The following TGFBI variants were observed in gnomAD, a reference collection of about 807,000 sequenced individuals.
The protein encoded by TGFBI is transforming growth factor-beta-induced protein ig-h3.
A neutral mutation model predicts 73.7 loss-of-function variants in TGFBI; 50 were observed. The observed-to-expected ratio is 0.68, with a 90% CI of 0.54 to 0.86. The LOEUF is 0.86. TGFBI is among the 40% of genes least tolerant of loss of function. The probability of loss-of-function intolerance (pLI) is 0.00; values close to 1 mark genes in which losing one functional copy is unlikely to be tolerated. For missense variants in TGFBI, 839 were observed against 877.0 expected (o/e 0.96, Z 0.55); for synonymous variants, 362 against 360.5 (o/e 1.00, Z -0.05).
rs45615532 is a variant in TGFBI at position 136,037,952 on chromosome 5, A to G, written c.233+4091A>G. On this transcript the variant is annotated intron_variant, in intron 2 of 16. Coordinates refer to ENST00000442011, the MANE Select transcript of TGFBI (RefSeq NM_000358.3). The stretch of plus-strand genomic sequence containing the variant: ...CTTATATCCCACAACCTTGGTCCCA[A>G]GAGGAAAAAAAAGAAGATGGTGAGA... 2.3e-3 allele frequency among the ~76,000 whole-genome samples: 356 copies of G among 152,258 alleles called. 3 individuals are homozygous for G. The highest frequency in any genetic ancestry group is 8.2e-3 in the African/African-American group (342 of 41,544).
At chr5:136,034,121 C>CGTGTGT (rs10626743) in intron 2 of TGFBI, among the ~76,000 whole-genome samples, 1 of 149,536 alleles carries the variant, frequency 6.7e-6, no homozygotes, top group Admixed American at 6.7e-5. Context: ...TGAAACACTG[C>CGTGTGT]GTGTGTGTGT....
In TGFBI at chr5:136,055,754, C is replaced by T. The variant is rs761112429; in HGVS notation, c.1485C>T (p.Asp495=). 3 of 1,612,740 alleles carry T rather than the reference C, an allele frequency of 1.9e-6. No homozygotes were observed. The highest frequency in any genetic ancestry group is 2.7e-5 in the African/African-American group (2 of 74,924). Residue 495 remains aspartate (D), a synonymous_variant, in exon 11 of 17, where the codon GAC becomes GAT. Transcript: ENST00000442011. ...GGTACGGGACCCTGTTCACGATGGA[C>T]CGGGTGCTGACCCCCCCAATGGGGA... ...RGRYGTLFTM[D]RVLTPPMGTV...
At position 136,038,954 on chromosome 5, in the gene TGFBI, A is replaced by G. The variant is rs535465309; in HGVS notation, c.233+5093A>G. Among the ~76,000 whole-genome samples the G allele has an allele frequency of 3.9e-5, 6 of 152,344 alleles. No individual in the cohort carries two copies. The South Asian group carries it at 1.0e-3, about 26-fold the overall frequency. The stretch of plus-strand genomic sequence containing the variant: ...CCTCTGGAATTGTAAGATAATTTGC[A>G]TGATCTCAAGCCACTAAATTTGTGG... On this transcript the variant is annotated intron_variant, in intron 2 of 16. Coordinates refer to ENST00000442011, the MANE Select transcript of TGFBI (RefSeq NM_000358.3).
intron 3 of TGFBI, among the ~76,000 whole-genome samples, chr5:136,044,432 G>T (rs1412637816): frequency 6.6e-6 from 1 of 152,220 alleles, no homozygotes; most frequent in Admixed American, 6.5e-5. Flanking sequence ...CTCTGCCTCT[G>T]GCTGGGAGTG....
chr5:136,061,394 G>T, intron 14 of TGFBI, 106 bp from the exon 15 acceptor site: 1 of 805,368 alleles, frequency 1.2e-6, no homozygotes, highest in Non-Finnish European at 2.1e-6. Flanking sequence ...ACATGTCTTT[G>T]GAAATGTGAG....
Position 136,063,261 on chromosome 5 carries a change from C to G in TGFBI, c.*35C>G, listed in dbSNP as rs757955922. On this transcript the variant is annotated 3_prime_UTR_variant, in exon 17 of 17. Transcript: ENST00000442011. Reference sequence around the variant, plus strand: ...CTACAGGAGGAATGCACCACGGCAGCTCTCCGCCAATTTCTCTCAGATTTC... The same window carrying G: ...CTACAGGAGGAATGCACCACGGCAGGTCTCCGCCAATTTCTCTCAGATTTC... The G allele has an allele frequency of 6.3e-7, 1 of 1,590,866 alleles. No homozygotes were observed. The highest frequency in any genetic ancestry group is 1.7e-5 in the Admixed American group (1 of 59,732).
intron 2 of TGFBI, 52 bp downstream of exon 2, chr5:136,033,913 G>C (rs373127342): frequency 3.5e-4 from 509 of 1,464,658 alleles, no homozygotes; most frequent in Admixed American, 2.5e-3. Flanking sequence ...GCTGGCTGCA[G>C]TTCCCCAGGG....
chr5:136,061,106 A>G, intron 14 of TGFBI, 170 bp downstream of exon 14: 1 of 602,234 alleles, frequency 1.7e-6, no homozygotes, highest in Non-Finnish European at 2.9e-6. Flanking sequence ...TTGGTTTTGA[A>G]TGCACCACAC....
intron 1 of TGFBI, among the ~76,000 whole-genome samples, chr5:136,030,891 G>A (rs549850138): frequency 6.6e-6 from 1 of 152,182 alleles, no homozygotes; most frequent in East Asian, 1.9e-4. Flanking sequence ...ATCCTCAAAG[G>A]TATTGAGGGC....
At chr5:136,052,846 G>T in intron 7 of TGFBI, 61 bp from the exon 8 acceptor site, 2 of 1,519,236 alleles carry the variant, frequency 1.3e-6, no homozygotes, top group Non-Finnish European at 1.8e-6. Flanking sequence ...CAGGCTGCAA[G>T]TGGTCCCTGA....
At chr5:136,049,344 G>A in intron 6 of TGFBI, 95 bp from the exon 7 acceptor site, 4 of 1,491,656 alleles carry the variant, frequency 2.7e-6, no homozygotes, top group African/African-American at 1.4e-5. Flanking sequence ...TGAAAGCCTC[G>A]AGCCCTTGCG....
At chr5:136,044,155 G>T (rs939344125) in intron 3 of TGFBI, 33 bp downstream of exon 3, 18 of 1,580,806 alleles carry the variant, frequency 1.1e-5, no homozygotes, top group Non-Finnish European at 1.6e-5. Context: ...GCCTGTTGGT[G>T]TGGGTGGAAG....
intron 2 of TGFBI, among the ~76,000 whole-genome samples, chr5:136,037,397 G>C (rs527508923): frequency 1.3e-5 from 2 of 152,264 alleles, no homozygotes; most frequent in East Asian, 3.9e-4. Flanking sequence ...AATTTTTTAC[G>C]TGTGGCACTT....
chr5:136,037,454 C>G (rs1368352283), intron 2 of TGFBI, among the ~76,000 whole-genome samples: 1 of 152,054 alleles, frequency 6.6e-6, no homozygotes, highest in Non-Finnish European at 1.5e-5. Flanking sequence ...GGCTGCCTCT[C>G]GACAGGCTTC....
Position 136,047,718 on chromosome 5 carries a change from C to T in TGFBI, c.771+298C>T, listed in dbSNP as rs1234551911. The T allele has an allele frequency of 8.3e-5, 28 of 336,292 alleles. No homozygotes were observed. In the East Asian group the frequency reaches 1.5e-3, roughly 18 times the overall value. 20.8% of individuals were successfully genotyped at this position (336,292 alleles called of 1,614,324 possible). A position where few individuals can be genotyped will look rare whatever the true frequency, so the allele number is the denominator to read the frequency against. ...TCTGAGCCCTGGACCTGCACTGTGGCTTCCAGAGGTGGCAGTTCCCACATG... is the reference window on the plus strand; with the variant it reads ...TCTGAGCCCTGGACCTGCACTGTGGTTTCCAGAGGTGGCAGTTCCCACATG... On this transcript the variant is annotated intron_variant, in intron 6 of 16. Coordinates refer to ENST00000442011, the MANE Select transcript of TGFBI (RefSeq NM_000358.3).
intron 2 of TGFBI, among the ~76,000 whole-genome samples, 157 bp from the exon 3 acceptor site, chr5:136,043,901 G>T (rs777575385): frequency 6.6e-6 from 1 of 152,218 alleles, no homozygotes; most frequent in African/African-American, 2.4e-5. Flanking sequence ...CTCAGGAAAG[G>T]CAGACCTATG....
chr5:136,061,329 T>C (rs2302038), intron 14 of TGFBI, 171 bp from the exon 15 acceptor site: 335,209 of 626,616 alleles, frequency 0.53, 92,961 homozygotes, highest in African/African-American at 0.82. Context: ...CCTTTCTTGG[T>C]GCTCTCTCCC....
chr5:136,057,130 C>T (rs563662348), intron 12 of TGFBI, among the ~76,000 whole-genome samples: 6 of 152,234 alleles, frequency 3.9e-5, no homozygotes, highest in East Asian at 1.9e-4. Context: ...GACCACTCAG[C>T]GCCCCAGCCT....
At chr5:136,058,448 C>T (rs573548573) in intron 12 of TGFBI, among the ~76,000 whole-genome samples, 40 of 152,234 alleles carry the variant, frequency 2.6e-4, no homozygotes, top group African/African-American at 8.9e-4. Context: ...GATGCCTGCC[C>T]CAGTTGCTGG....
Sources: allele counts gnomAD v4.1 joint callset (sites outside exome capture counted in the v4.1 genomes callset), GRCh38; gene constraint gnomAD v4.1.1; transcripts MANE v1.5; gene names NCBI Gene and HGNC (gene_info 2026-07-23, HGNC 2026-07-21).